ADGRF5: variants seen among roughly 807,000 people sequenced by gnomAD.
ADGRF5 encodes G-protein coupled receptor 116.
In ADGRF5, 75 loss-of-function variants were observed where a neutral mutation model predicts 132.3. That is an observed-to-expected ratio of 0.57 (90% confidence interval 0.47 to 0.69). ADGRF5 has a LOEUF of 0.69. Among genes scored for constraint, ADGRF5 ranks in the 30% least tolerant of loss-of-function variants. ADGRF5 has a pLI of 0.00. For missense variants in ADGRF5, 1,516 were observed against 1,630.6 expected, an observed-to-expected ratio of 0.93 and a Z score of 1.21; for synonymous variants, 629 against 597.6, an observed-to-expected ratio of 1.05 and a Z score of -0.77.
chr6:46,914,014 C>T (rs528439294), intron 1 of ADGRF5, among the ~76,000 whole-genome samples: 7 of 152,288 alleles, frequency 4.6e-5, no homozygotes, highest in Admixed American at 2.6e-4. Flanking sequence ...CTTTTGCAAA[C>T]ATATACTTAT....
intron 1 of ADGRF5, among the ~76,000 whole-genome samples, chr6:46,937,221 AGTGTGTGTGT>A (rs10558166): frequency 1.1e-3 from 163 of 146,800 alleles, no homozygotes; most frequent in East Asian, 7.1e-3. Flanking sequence ...GGCAATAAGG[AGTGTGTGTGT>A]GTGTGTGTGT....
chr6:46,880,052 A>G lies in ADGRF5; in HGVS notation c.815-13T>C. On this transcript the variant is annotated splice_polypyrimidine_tract_variant and intron_variant, in intron 8 of 20. Coordinates refer to ENST00000283296, the MANE Select transcript of ADGRF5 (RefSeq NM_001098518.2). ...AAATTGCTTTCATCTGGAAACCCAA[A>G]GAAAAGTTAATAAGATCCCAAAGCA... 6.3e-7 allele frequency: 1 copy of G among 1,584,432 alleles called. No homozygotes were observed. The highest frequency in any genetic ancestry group is 8.7e-7 in the Non-Finnish European group (1 of 1,153,108).
chr6:46,873,005 A>G (rs763262024), intron 10 of ADGRF5, among the ~76,000 whole-genome samples: 3 of 151,986 alleles, frequency 2.0e-5, no homozygotes, highest in Non-Finnish European at 4.4e-5. Flanking sequence ...CTCTTTATCT[A>G]TCTTGACTAA....
intron 4 of ADGRF5, among the ~76,000 whole-genome samples, chr6:46,885,076 C>T (rs1054302253): frequency 6.6e-6 from 1 of 151,748 alleles, no homozygotes; most frequent in African/African-American, 2.4e-5. Context: ...GGTGGTGTGT[C>T]CCAGCTACTC....
intron 1 of ADGRF5, among the ~76,000 whole-genome samples, chr6:46,910,822 C>T (rs917971912): frequency 1.3e-5 from 2 of 152,126 alleles, no homozygotes; most frequent in Admixed American, 1.3e-4. Flanking sequence ...TGGGGCAAGT[C>T]ACTTTATCTC....
At chr6:46,929,520 A>AT (rs1561830218) in intron 1 of ADGRF5, among the ~76,000 whole-genome samples, 7 of 123,192 alleles carry the variant, frequency 5.7e-5, no homozygotes, top group Non-Finnish European at 1.1e-4. Context: ...AAAAATAAAA[A>AT]AAAGAAAGTA....
intron 1 of ADGRF5, among the ~76,000 whole-genome samples, chr6:46,947,392 T>C (rs1778335620): frequency 6.6e-6 from 1 of 152,240 alleles, no homozygotes; most frequent in Non-Finnish European, 1.5e-5. Context: ...GCAATACGTT[T>C]TGTGCTTTAC....
intron 1 of ADGRF5, among the ~76,000 whole-genome samples, chr6:46,916,483 C>T (rs1323527999): frequency 6.6e-6 from 1 of 152,206 alleles, no homozygotes; most frequent in African/African-American, 2.4e-5. Context: ...GTCCTGTTAC[C>T]TGCTGCTGAT....
At chr6:46,914,612 C>A (rs1776267627) in intron 1 of ADGRF5, among the ~76,000 whole-genome samples, 1 of 152,032 alleles carries the variant, frequency 6.6e-6, no homozygotes, top group Non-Finnish European at 1.5e-5. Flanking sequence ...GCGTTGATAA[C>A]CTTTTATCCC....
chr6:46,895,783 T>A (rs1465845496), intron 3 of ADGRF5, among the ~76,000 whole-genome samples: 1 of 151,812 alleles, frequency 6.6e-6, no homozygotes, highest in Non-Finnish European at 1.5e-5. Context: ...TTGATATTTG[T>A]GTTACTTCTA....
upstream of ADGRF5, among the ~76,000 whole-genome samples, chr6:46,925,690 G>C (rs1269578227): frequency 6.6e-6 from 1 of 152,244 alleles, no homozygotes; most frequent in Non-Finnish European, 1.5e-5. Flanking sequence ...CTGAGAGGCA[G>C]AGGTTGCTGT....
chr6:46,894,893 T>C (rs1305619351), intron 3 of ADGRF5, among the ~76,000 whole-genome samples: 3 of 152,206 alleles, frequency 2.0e-5, no homozygotes, highest in African/African-American at 7.2e-5. Flanking sequence ...ATGCTAACAT[T>C]AAGGGCCTGG....
intron 10 of ADGRF5, 140 bp from the exon 11 acceptor site, chr6:46,872,153 G>T: frequency 1.7e-6 from 1 of 592,066 alleles, no homozygotes; most frequent in East Asian, 2.9e-5. Context: ...TTGGGTTTAT[G>T]GTGATTAGGT....
In ADGRF5 at chr6:46,871,698, T is replaced by C. The variant is rs58989382; in HGVS notation, c.1411+145A>G. ...TGGCAGAGAGAGAAATCCTTTTCTA[T>C]CTCCCATTGTGTGATTTGCCCTAAC... On this transcript the variant is annotated intron_variant, in intron 11 of 20. Transcript: ENST00000283296. 0.11 allele frequency: 50,146 copies of C among 473,850 alleles called. 3,001 individuals are homozygous for C. Among genetic ancestry groups the C allele is most frequent in the Non-Finnish European group, 0.13 (33,884 of 265,432 alleles). The allele number at this position is 473,850 out of a possible 1,614,324, so 29.4% of individuals were successfully genotyped here.
At chr6:46,871,573 TCCTGCATTAC>T (rs1771064320) in intron 11 of ADGRF5, among the ~76,000 whole-genome samples, 1 of 152,142 alleles carries the variant, frequency 6.6e-6, no homozygotes, top group Admixed American at 6.6e-5. Context: ...CCACTCCACC[TCCTGCATTAC>T]TCAGAGAATG....
intron 10 of ADGRF5, among the ~76,000 whole-genome samples, chr6:46,877,729 A>G (rs1252960632): frequency 6.6e-6 from 1 of 152,158 alleles, no homozygotes; most frequent in Non-Finnish European, 1.5e-5. Context: ...AGCTGGAGGC[A>G]CAGAGATAGA....
At chr6:46,869,247 C>T (rs1581769468) in intron 11 of ADGRF5, 155 bp from the exon 12 acceptor site, 2 of 1,464,000 alleles carry the variant, frequency 1.4e-6, no homozygotes, top group East Asian at 5.0e-5. Context: ...GAATTGGTAC[C>T]TTGCTGCTCC....
At chr6:46,875,527 G>A (rs1357720220) in intron 10 of ADGRF5, among the ~76,000 whole-genome samples, 1 of 152,154 alleles carries the variant, frequency 6.6e-6, no homozygotes, top group Non-Finnish European at 1.5e-5. Context: ...GCTCATGCCT[G>A]TAATCCCAGC....
intron 4 of ADGRF5, chr6:46,886,656 G>T (rs553632570): frequency 6.6e-6 from 1 of 152,348 alleles, no homozygotes; most frequent in South Asian, 2.1e-4. Context: ...GGATCATAAG[G>T]TAGGCTGTTG....
Sources: gnomAD v4.1 joint callset for allele counts (sites outside exome capture counted in the v4.1 genomes callset) on GRCh38, gnomAD v4.1.1 for gene constraint, MANE v1.5 for transcripts, NCBI Gene and HGNC (gene_info 2026-07-23, HGNC 2026-07-21) for gene names.